The following RBM19 variants were observed in gnomAD, a reference collection of about 807,000 sequenced individuals.
The protein encoded by RBM19 is probable RNA-binding protein 19.
A neutral mutation model predicts 116.8 loss-of-function variants in RBM19; 94 were observed. The observed-to-expected ratio is 0.80, with a 90% CI of 0.68 to 0.95. The LOEUF (loss-of-function observed/expected upper bound fraction) is 0.95. RBM19 is among the 40% of genes least tolerant of loss of function. The pLI is 0.00. For missense variants in RBM19, 1,161 were observed against 1,220.7 expected, an observed-to-expected ratio of 0.95 and a Z score of 0.73; for synonymous variants, 475 against 494.1, an observed-to-expected ratio of 0.96 and a Z score of 0.51.
At chr12:113,937,222 A>C in intron 15 of RBM19, 86 bp from the exon 16 acceptor site, 1 of 1,519,090 alleles carries the variant, frequency 6.6e-7, no homozygotes, top group South Asian at 1.2e-5. Flanking sequence ...ATCACAGCCC[A>C]AGGGTCACAG....
intron 5 of RBM19, 51 bp from the exon 6 acceptor site, chr12:113,958,101 G>A (rs983740710): frequency 6.4e-7 from 1 of 1,554,056 alleles, no homozygotes; most frequent in African/African-American, 1.4e-5. Context: ...CAAACCAGAG[G>A]TCAGAGGTAG....
chr12:113,958,193 A>G (rs1210970123), intron 5 of RBM19, 143 bp from the exon 6 acceptor site: 3 of 1,453,686 alleles, frequency 2.1e-6, no homozygotes, highest in South Asian at 1.4e-5. Flanking sequence ...AGCATCCCCC[A>G]TAAGTCCTCT....
chr12:113,827,971 C>T (rs1357076584), intron 23 of RBM19, among the ~76,000 whole-genome samples: 2 of 151,884 alleles, frequency 1.3e-5, no homozygotes, highest in East Asian at 1.9e-4. Context: ...GCCTAGCACA[C>T]GGCAAGCTGT....
chr12:113,949,374 CCA>C (rs1871298395), intron 9 of RBM19, among the ~76,000 whole-genome samples: 1 of 152,174 alleles, frequency 6.6e-6, no homozygotes, highest in South Asian at 2.1e-4. Flanking sequence ...AGGTGACAGC[CCA>C]GCCCTGGGTA....
At chr12:113,937,270 G>T in intron 15 of RBM19, 134 bp from the exon 16 acceptor site, 2 of 1,076,702 alleles carry the variant, frequency 1.9e-6, no homozygotes, top group Non-Finnish European at 1.3e-6. Context: ...GCCGGAAGGA[G>T]CCCAGCCCAG....
intron 15 of RBM19, among the ~76,000 whole-genome samples, chr12:113,939,728 T>C (rs1425756856): frequency 2.0e-5 from 3 of 150,250 alleles, no homozygotes; most frequent in Admixed American, 6.6e-5. Flanking sequence ...CCAGCCTGGG[T>C]GACAGAGCAA....
In RBM19 at chr12:113,844,749, C is replaced by T. The variant is rs1424591829; in HGVS notation, c.2704G>A (p.Gly902Arg). 3.1e-6 allele frequency: 5 copies of T among 1,613,444 alleles called. No individual in the cohort carries two copies. The highest frequency in any genetic ancestry group is 1.7e-5 in the Admixed American group (1 of 59,956). ...GCCCACTCCAGCACCAGCCTCCGCC[C>T]GTACAAGTGGGTGCTGTGACACAGG... ...NALCHSTHLY[G>R]RRLVLEWADS... The change falls in exon 23 of 24, where the codon GGG becomes AGG. Residue 902 changes from glycine to arginine, a missense_variant. Transcript: ENST00000261741.
rs1871345415 is a variant in RBM19 at position 113,950,093 on chromosome 12, CCGGTTG to C, written c.1056_1061del (p.Cys352_Arg354delinsTrp). The C allele has an allele frequency of 6.2e-7, 1 of 1,606,862 alleles. No homozygotes were observed. ...CCAGGGCTTCCTTACCCATGTACTC[CCGGTTG>C]CATTTCAGAGCTTGCTTCACTTCCT... On this transcript the variant is annotated inframe_deletion, in exon 9 of 24. Coordinates refer to ENST00000261741, the MANE Select transcript of RBM19 (RefSeq NM_016196.4).
At position 113,823,127 on chromosome 12, in the gene RBM19, C is replaced by A; in HGVS notation, c.*97G>T. On this transcript the variant is annotated 3_prime_UTR_variant, in exon 24 of 24. Transcript: ENST00000261741. ...CAGGGTGGGGCCGCCTGCCGCTCCC[C>A]GCCCCGCCCCCCAGCCCACATGGTG... 8.4e-7 allele frequency: 1 copy of A among 1,184,794 alleles called. No individual in the cohort carries two copies. Among genetic ancestry groups the A allele is most frequent in the Non-Finnish European group, 1.2e-6 (1 of 839,298 alleles). 73.4% of individuals were successfully genotyped at this position (1,184,794 alleles called of 1,614,324 possible).
chr12:113,928,793 GA>G (rs915994609), intron 16 of RBM19, among the ~76,000 whole-genome samples: 1 of 152,012 alleles, frequency 6.6e-6, no homozygotes, highest in Non-Finnish European at 1.5e-5. Context: ...GATCTTTTCA[GA>G]AATCTTAGGA....
intron 13 of RBM19, among the ~76,000 whole-genome samples, chr12:113,942,756 G>A (rs1235751643): frequency 2.6e-5 from 4 of 151,984 alleles, no homozygotes; most frequent in Admixed American, 6.6e-5. Context: ...GACCACAGAC[G>A]CACCCCACCA....
intron 21 of RBM19, among the ~76,000 whole-genome samples, chr12:113,874,498 CCTCGAGGGGAGGTCTT>C (rs1270414738): frequency 6.6e-6 from 1 of 152,206 alleles, no homozygotes; most frequent in East Asian, 1.9e-4. Flanking sequence ...GCATGTGAGA[CCTCGAGGGGAGGTCTT>C]ATCTGAGGTC....
intron 17 of RBM19, among the ~76,000 whole-genome samples, chr12:113,926,287 A>G (rs1013748708): frequency 3.3e-5 from 5 of 152,240 alleles, no homozygotes; most frequent in African/African-American, 9.6e-5. Flanking sequence ...TTAGAAATCA[A>G]TCAGGTCAAT....
intron 21 of RBM19, among the ~76,000 whole-genome samples, chr12:113,899,260 GA>G (rs538453206): frequency 5.9e-5 from 9 of 152,324 alleles, no homozygotes; most frequent in Non-Finnish European, 1.3e-4. Flanking sequence ...GCAGGGCTGG[GA>G]GTCACAGCCT....
chr12:113,907,359 G>C (rs980902756), intron 21 of RBM19, among the ~76,000 whole-genome samples: 2 of 152,174 alleles, frequency 1.3e-5, no homozygotes, highest in Non-Finnish European at 2.9e-5. Flanking sequence ...CCAGTGCCGA[G>C]CAATGCACCT....
At position 113,942,384 on chromosome 12, in the gene RBM19, G is replaced by T. The variant is rs368585240; in HGVS notation, c.1677C>A (p.Leu559=). 1.9e-6 allele frequency: 3 copies of T among 1,609,508 alleles called. No homozygotes were observed. The highest frequency in any genetic ancestry group is 2.5e-6 in the Non-Finnish European group (3 of 1,179,944). ...TGAGAAAACGCCGCACTTCCTGGAC[G>T]AGCTGGGTTTCCCCCAGAGCCACGC... ...AVRVALGETQ[L]VQEVRRFLID... The change falls in exon 14 of 24, where the codon CTC becomes CTA. Residue 559 remains leucine (L), a synonymous_variant. Coordinates refer to ENST00000261741, the MANE Select transcript of RBM19 (RefSeq NM_016196.4).
Position 113,908,218 on chromosome 12 carries a change from G to A in RBM19, c.2558+6751C>T, listed in dbSNP as rs73397045. Among the ~76,000 whole-genome samples the A allele has an allele frequency of 4.8e-3, 734 of 152,292 alleles. 7 individuals carry two copies. Among genetic ancestry groups the A allele is most frequent in the African/African-American group, 0.016 (657 of 41,568 alleles). On this transcript the variant is annotated intron_variant, in intron 21 of 23. Coordinates refer to ENST00000261741, the MANE Select transcript of RBM19 (RefSeq NM_016196.4). ...TTCCCCCATCCTGCTCTGTGTCTCT[G>A]CCCTAGCAGATGAAAGGGCTCAAAG...
rs968192038 is a variant in RBM19, at chr12:113,858,846, G to T, written c.2609C>A (p.Thr870Lys). The change falls in exon 22 of 24, where the codon ACA becomes AAA. Residue 870 changes from threonine to lysine, a missense_variant. By Grantham distance (78) the Thr-to-Lys change is moderately conservative. Coordinates refer to ENST00000261741, the MANE Select transcript of RBM19 (RefSeq NM_016196.4). ...TVRLPKKMTGTGTHRGFGFVD... is the reference protein window; with the variant it reads ...TVRLPKKMTGKGTHRGFGFVD... ...AAAGCCGAAGCCTCTGTGTGTGCCT[G>T]TCCCAGTCATCTTCTTTGGCAGGCG... is the stretch of plus-strand genomic sequence containing the variant. 1 of 1,614,154 alleles carries T rather than the reference G, an allele frequency of 6.2e-7. No individual in the cohort carries two copies. The highest frequency in any genetic ancestry group is 8.5e-7 in the Non-Finnish European group (1 of 1,180,028).
intron 21 of RBM19, among the ~76,000 whole-genome samples, chr12:113,880,466 C>A (rs930908940): frequency 6.6e-6 from 1 of 152,206 alleles, no homozygotes; most frequent in Non-Finnish European, 1.5e-5. Context: ...TACGACAGCT[C>A]TTGTTCTGTG....
Sources: allele counts gnomAD v4.1 joint callset (sites outside exome capture counted in the v4.1 genomes callset), GRCh38; gene constraint gnomAD v4.1.1; transcripts MANE v1.5; gene names NCBI Gene and HGNC (gene_info 2026-07-23, HGNC 2026-07-21).